The following RBM20 variants were observed in gnomAD, a reference collection of about 807,000 sequenced individuals.
The protein encoded by RBM20 is RNA binding motif protein 20.
A neutral mutation model predicts 110.1 loss-of-function variants in RBM20; 51 were observed. That is an observed-to-expected ratio of 0.46 (90% CI 0.37 to 0.59). RBM20 has a LOEUF of 0.59. Ranked by LOEUF, RBM20 falls within the 20% of genes least tolerant of loss-of-function variation. RBM20 has a pLI of 0.00. For synonymous variants in RBM20, 589 were observed against 618.2 expected, an observed-to-expected ratio of 0.95 and a Z score of 0.70; for missense variants, 1,512 against 1,574.9, an observed-to-expected ratio of 0.96 and a Z score of 0.68.
intron 1 of RBM20, among the ~76,000 whole-genome samples, chr10:110,750,847 A>G (rs1204264402): frequency 1.3e-5 from 2 of 152,160 alleles, no homozygotes; most frequent in Non-Finnish European, 2.9e-5. Flanking sequence ...GGGGTGATGA[A>G]GGAAGGGTGC....
At chr10:110,835,781 G>A in intron 13 of RBM20, 87 bp from the exon 14 acceptor site, 1 of 1,329,364 alleles carries the variant, frequency 7.5e-7, no homozygotes, top group Non-Finnish European at 1.0e-6. Context: ...CCAGGAGAGG[G>A]ATGATTGAGG....
At chr10:110,709,633 C>A (rs1415817190) in intron 1 of RBM20, among the ~76,000 whole-genome samples, 1 of 148,148 alleles carries the variant, frequency 6.8e-6, no homozygotes, top group Non-Finnish European at 1.5e-5. Flanking sequence ...GTGTTATGAT[C>A]GTAGCTCACT....
At position 110,820,086 on chromosome 10, in the gene RBM20, A is replaced by C. The variant is rs878854250; in HGVS notation, c.2565A>C (p.Glu855Asp). 4 of 1,550,252 alleles carry C rather than the reference A, an allele frequency of 2.6e-6. No homozygotes were observed. The highest frequency in any genetic ancestry group is 3.5e-6 in the Non-Finnish European group (4 of 1,145,994). The change falls in exon 10 of 14, where the codon GAA (glutamate) becomes GAC (aspartate). Residue 855 changes from glutamate to aspartate, a missense_variant. Physicochemically the swap from Glu to Asp is conservative, Grantham distance 45. Transcript: ENST00000369519. ...CCTTTGATAAGGCTGGAAAAGAGGA[A>C]CAGGAGGGCATGGAAGAAAGCCCTC... Reference protein sequence around the residue: ...TMAENEAGKEEQEGMEESPQS... With the variant: ...TMAENEAGKEDQEGMEESPQS...
chr10:110,782,319 C>T (rs1187662723), intron 2 of RBM20, among the ~76,000 whole-genome samples: 1 of 152,124 alleles, frequency 6.6e-6, no homozygotes, highest in Non-Finnish European at 1.5e-5. Context: ...CAGATTAATT[C>T]CCCCTTGGGA....
intron 11 of RBM20, 58 bp downstream of exon 11, chr10:110,821,993 A>T: frequency 1.4e-6 from 2 of 1,449,202 alleles, no homozygotes; most frequent in Non-Finnish European, 1.9e-6. Flanking sequence ...TGCTCACCTG[A>T]TAAAGTATGA....
intron 7 of RBM20, among the ~76,000 whole-genome samples, chr10:110,802,805 G>A (rs1844646460): frequency 6.6e-6 from 1 of 152,044 alleles, no homozygotes; most frequent in African/African-American, 2.4e-5. Flanking sequence ...GGGAGAAAAA[G>A]CAAATAAACA....
intron 1 of RBM20, among the ~76,000 whole-genome samples, chr10:110,768,094 G>A (rs927449058): frequency 6.6e-6 from 1 of 152,254 alleles, no homozygotes; most frequent in Non-Finnish European, 1.5e-5. Flanking sequence ...GTCAGGCGTG[G>A]CGGCGCGCGC....
At chr10:110,832,166 T>C (rs1845064699) in intron 13 of RBM20, among the ~76,000 whole-genome samples, 1 of 152,216 alleles carries the variant, frequency 6.6e-6, no homozygotes, top group Admixed American at 6.5e-5. Context: ...ACTTCTGGCA[T>C]GGGCTAGGTT....
chr10:110,758,890 A>G (rs2134998047), intron 1 of RBM20, among the ~76,000 whole-genome samples: 1 of 152,288 alleles, frequency 6.6e-6, no homozygotes, highest in African/African-American at 2.4e-5. Flanking sequence ...CCAACATGAG[A>G]TCCCTGACTG....
chr10:110,722,272 G>T (rs1243727307), intron 1 of RBM20, among the ~76,000 whole-genome samples: 1 of 152,148 alleles, frequency 6.6e-6, no homozygotes, highest in African/African-American at 2.4e-5. Flanking sequence ...ATTTTTTAGA[G>T]AAGTTTTAAG....
intron 1 of RBM20, among the ~76,000 whole-genome samples, chr10:110,702,252 C>T (rs903711178): frequency 6.6e-6 from 1 of 152,168 alleles, no homozygotes; most frequent in African/African-American, 2.4e-5. Flanking sequence ...AAGTCGAGAG[C>T]GTATCAGCTG....
chr10:110,815,369 A>G lies in RBM20; in HGVS notation c.2550+2422A>G, dbSNP rs79218816. 9.2e-3 allele frequency among the ~76,000 whole-genome samples: 1,395 copies of G among 152,352 alleles called. 12 individuals carry two copies. Among genetic ancestry groups the G allele is most frequent in the Non-Finnish European group, 0.015 (1,042 of 68,028 alleles). On this transcript the variant is annotated intron_variant, in intron 9 of 13. Transcript: ENST00000369519. ...TCTGCCACGATTTTTCCTAACTGGC[A>G]TAGCAGGAGGAAGAACAGGAGATGA...
intron 7 of RBM20, among the ~76,000 whole-genome samples, chr10:110,804,070 C>G (rs4918592): frequency 0.99 from 151,406 of 152,240 alleles, 75,289 homozygotes; most frequent in Middle Eastern, 1. Flanking sequence ...TCCCCCTTCC[C>G]TTTCCTTCAA....
intron 1 of RBM20, among the ~76,000 whole-genome samples, chr10:110,752,453 A>G (rs1008992500): frequency 2.0e-5 from 3 of 152,176 alleles, no homozygotes; most frequent in African/African-American, 7.2e-5. Flanking sequence ...CTGCTGAAAG[A>G]CATCTTGGTT....
chr10:110,799,708 G>A (rs184524202), intron 6 of RBM20, 79 bp from the exon 7 acceptor site: 25 of 1,392,470 alleles, frequency 1.8e-5, no homozygotes, highest in South Asian at 6.0e-5. Context: ...CTTCATAGAC[G>A]TGGAATCATG....
At chr10:110,706,873 T>C (rs1363738367) in intron 1 of RBM20, among the ~76,000 whole-genome samples, 1 of 152,178 alleles carries the variant, frequency 6.6e-6, no homozygotes, top group Non-Finnish European at 1.5e-5. Context: ...TTTTGTGGCT[T>C]TTGTGAGCCT....
At chr10:110,746,567 C>A (rs1400590109) in intron 1 of RBM20, among the ~76,000 whole-genome samples, 1 of 152,154 alleles carries the variant, frequency 6.6e-6, no homozygotes, top group Non-Finnish European at 1.5e-5. Context: ...GCTCAGTCGA[C>A]CCCGAGTATT....
chr10:110,742,344 G>T (rs1405410579), intron 1 of RBM20, among the ~76,000 whole-genome samples: 1 of 152,196 alleles, frequency 6.6e-6, no homozygotes, highest in African/African-American at 2.4e-5. Flanking sequence ...CAGGCTGGAG[G>T]CCTTTTCCCA....
At chr10:110,665,042 C>T (rs4313506) in intron 1 of RBM20, among the ~76,000 whole-genome samples, 6 of 150,794 alleles carry the variant, frequency 4.0e-5, no homozygotes, top group South Asian at 2.1e-4. Flanking sequence ...TGCCTGGCTA[C>T]TTTTTTTTTT....
Sources: gnomAD v4.1 joint callset for allele counts (sites outside exome capture counted in the v4.1 genomes callset) on GRCh38, gnomAD v4.1.1 for gene constraint, MANE v1.5 for transcripts, NCBI Gene and HGNC (gene_info 2026-07-23, HGNC 2026-07-21) for gene names.